The following CASQ2 variants were observed in gnomAD, a reference collection of about 807,000 sequenced individuals.
The protein encoded by CASQ2 is calsequestrin-2.
In CASQ2, 49 loss-of-function variants were observed where a neutral mutation model predicts 46.5. The observed-to-expected ratio is 1.05, with a 90% CI of 0.84 to 1.34. The LOEUF (loss-of-function observed/expected upper bound fraction) is 1.34, where lower values mean the gene tolerates loss of function less well. CASQ2 is among the 40% of genes most tolerant of loss of function. CASQ2 has a pLI of 0.00. For synonymous variants in CASQ2, 174 were observed against 168.5 expected, an observed-to-expected ratio of 1.03 and a Z score of -0.25; for missense variants, 486 against 481.3, an observed-to-expected ratio of 1.01 and a Z score of -0.09.
rs372283956 is a variant in CASQ2, at chr1:115,738,277, C to T, written c.479G>A (p.Arg160His). 1.3e-5 allele frequency: 21 copies of T among 1,613,744 alleles called. No homozygotes were observed. Among genetic ancestry groups the T allele is most frequent in the South Asian group, 3.3e-5 (3 of 91,086 alleles). Residue 160 changes from arginine to histidine, a missense_variant, in exon 4 of 11, where the codon CGC becomes CAC. By Grantham distance (29) the Arg-to-His change is conservative (BLOSUM62 0). Coordinates refer to ENST00000261448, the MANE Select transcript of CASQ2 (RefSeq NM_001232.4). Reference sequence around the variant, plus strand: ...AATGAGTTTGATGTAGTCTTCAATGCGTTCGAAGGCTTGGACTTCCAGTTT... The same window carrying T: ...AATGAGTTTGATGTAGTCTTCAATGTGTTCGAAGGCTTGGACTTCCAGTTT... ...SSKLEVQAFE[R>H]IEDYIKLIGF... is the part of the protein sequence containing the mutation.
At position 115,702,996 on chromosome 1, in the gene CASQ2, C is replaced by A. The variant is rs876657635; in HGVS notation, c.940-1G>T. 7.4e-6 allele frequency: 12 copies of A among 1,611,778 alleles called. No homozygotes were observed. Among genetic ancestry groups the A allele is most frequent in the Non-Finnish European group, 1.0e-5 (12 of 1,178,898 alleles). ...AAGTCTTCTCCCAGTAGGCAACGAG[C>A]TGCAGCAACAAAAAAATAAGATTAG... On this transcript the variant is annotated splice_acceptor_variant, in intron 9 of 10. Coordinates refer to ENST00000261448, the MANE Select transcript of CASQ2 (RefSeq NM_001232.4). LOFTEE classifies it high-confidence loss of function.
At chr1:115,741,588 C>A (rs1387021508) in intron 2 of CASQ2, among the ~76,000 whole-genome samples, 1 of 152,144 alleles carries the variant, frequency 6.6e-6, no homozygotes, top group Non-Finnish European at 1.5e-5. Flanking sequence ...TGTACATCAG[C>A]AACCCATTAA....
intron 6 of CASQ2, among the ~76,000 whole-genome samples, chr1:115,725,882 C>T (rs1374194090): frequency 6.6e-6 from 1 of 152,158 alleles, no homozygotes. Context: ...CAGATAGCCA[C>T]CACTCCAGAG....
chr1:115,724,452 C>T (rs948626860), intron 7 of CASQ2, among the ~76,000 whole-genome samples: 6 of 152,116 alleles, frequency 3.9e-5, no homozygotes, highest in African/African-American at 1.4e-4. Flanking sequence ...ACAGGCGTGC[C>T]CCACTATGCC....
chr1:115,725,742 C>G (rs899831114), intron 6 of CASQ2, among the ~76,000 whole-genome samples, 189 bp from the exon 7 acceptor site: 1 of 152,068 alleles, frequency 6.6e-6, no homozygotes, highest in Non-Finnish European at 1.5e-5. Flanking sequence ...TGTCAGACAG[C>G]GAGCTGGGCC....
At chr1:115,760,271 A>G (rs1346587613) in intron 1 of CASQ2, among the ~76,000 whole-genome samples, 3 of 152,244 alleles carry the variant, frequency 2.0e-5, no homozygotes, top group Admixed American at 1.3e-4. Flanking sequence ...AGACTGTCAC[A>G]GTGCTTTGCA....
intron 1 of CASQ2, among the ~76,000 whole-genome samples, chr1:115,752,835 C>G (rs1364065395): frequency 6.6e-6 from 1 of 152,184 alleles, no homozygotes; most frequent in East Asian, 1.9e-4. Flanking sequence ...AAAGGAAAGG[C>G]CACCAGTTGG....
intron 1 of CASQ2, among the ~76,000 whole-genome samples, chr1:115,748,902 A>C (rs1488958175): frequency 1.3e-5 from 2 of 152,176 alleles, no homozygotes; most frequent in Non-Finnish European, 2.9e-5. Flanking sequence ...CAGTGTGCAT[A>C]AGAATCACCC....
At chr1:115,754,818 T>C (rs1052769277) in intron 1 of CASQ2, among the ~76,000 whole-genome samples, 3 of 152,230 alleles carry the variant, frequency 2.0e-5, no homozygotes, top group Admixed American at 2.0e-4. Context: ...GAGTATCATG[T>C]ATACAAGTAC....
intron 3 of CASQ2, among the ~76,000 whole-genome samples, chr1:115,739,310 T>C (rs1019777348): frequency 2.0e-5 from 3 of 150,962 alleles, no homozygotes; most frequent in Admixed American, 6.6e-5. Context: ...AGAGATGGGG[T>C]TTCACCGTAT....
At position 115,705,263 on chromosome 1, in the gene CASQ2, G is replaced by A; in HGVS notation, c.868C>T (p.Gln290Ter). ...DGYEFLEILKQVARDNTDNPD... is the reference protein window; with the variant it reads ...DGYEFLEILK ...TTGTCAGTATTGTCCCGGGCAACCT[G>A]TTTCAGGATCTCCAGGAATTCGTAG... The change falls in exon 9 of 11, where the codon CAG (glutamine) becomes TAG (stop). Residue 290 changes from glutamine (Q) to a stop codon, truncating the protein, a stop_gained. Transcript: ENST00000261448. LOFTEE classifies it high-confidence loss of function. The A allele has an allele frequency of 6.2e-7, 1 of 1,613,842 alleles. No individual in the cohort carries two copies. The highest frequency in any genetic ancestry group is 1.1e-5 in the South Asian group (1 of 91,080).
At chr1:115,709,554 G>A (rs905174975) in intron 8 of CASQ2, among the ~76,000 whole-genome samples, 90 of 152,278 alleles carry the variant, frequency 5.9e-4, no homozygotes, top group African/African-American at 2.0e-3. Flanking sequence ...GACAAAGCAA[G>A]TAGAGGACTA....
intron 10 of CASQ2, among the ~76,000 whole-genome samples, chr1:115,702,479 T>C (rs1410068332): frequency 6.6e-6 from 1 of 152,242 alleles, no homozygotes; most frequent in Non-Finnish European, 1.5e-5. Flanking sequence ...TATGATTTTC[T>C]TCCTTCCCTT....
intron 3 of CASQ2, among the ~76,000 whole-genome samples, chr1:115,739,400 C>A (rs547911693): frequency 6.6e-6 from 1 of 152,174 alleles, no homozygotes; most frequent in Non-Finnish European, 1.5e-5. Context: ...CAGGCATGAG[C>A]CACCACGCTC....
At chr1:115,709,801 G>A (rs1452253849) in intron 8 of CASQ2, among the ~76,000 whole-genome samples, 1 of 152,040 alleles carries the variant, frequency 6.6e-6, no homozygotes, top group African/African-American at 2.4e-5. Flanking sequence ...TTCACATGAC[G>A]TTTACTCCCC....
At position 115,725,496 on chromosome 1, in the gene CASQ2, C is replaced by T. The variant is rs1387752690; in HGVS notation, c.783+12G>A. The T allele has an allele frequency of 6.2e-7, 1 of 1,608,924 alleles. No individual in the cohort carries two copies. The highest frequency in any genetic ancestry group is 1.1e-5 in the South Asian group (1 of 90,946). On this transcript the variant is annotated intron_variant, in intron 7 of 10. Coordinates refer to ENST00000261448, the MANE Select transcript of CASQ2 (RefSeq NM_001232.4). ...ATCTCTACAAGGCAAAGAGAGTTTG[C>T]CTCTTTCTTACCCATGTTTCAAACA... is the stretch of plus-strand genomic sequence containing the variant.
rs1047546402 is a variant in CASQ2 at position 115,768,223 on chromosome 1, G to T, written c.234+85C>A. 3.4e-6 allele frequency: 3 copies of T among 878,538 alleles called. No individual in the cohort carries two copies. The African/African-American group carries it at 4.9e-5, about 14-fold the overall frequency. The allele number at this position is 878,538 out of a possible 1,614,324, so 54.4% of individuals were successfully genotyped here. ...TTCAGTATATATTCTCTGCATCCTCGTTCCCATATCCCAACCCCTGGCCAA... is the reference window on the plus strand; with the variant it reads ...TTCAGTATATATTCTCTGCATCCTCTTTCCCATATCCCAACCCCTGGCCAA... On this transcript the variant is annotated intron_variant, in intron 1 of 10. Coordinates refer to ENST00000261448, the MANE Select transcript of CASQ2 (RefSeq NM_001232.4).
intron 8 of CASQ2, among the ~76,000 whole-genome samples, chr1:115,712,850 C>T (rs12746077): frequency 0.53 from 74,995 of 140,228 alleles, 20,004 homozygotes; most frequent in East Asian, 0.66. Context: ...AGGGAGACTG[C>T]CTCAAAAAAA....
intron 1 of CASQ2, among the ~76,000 whole-genome samples, chr1:115,750,681 T>C (rs1344819848): frequency 6.6e-6 from 1 of 152,130 alleles, no homozygotes; most frequent in Non-Finnish European, 1.5e-5. Flanking sequence ...GCTAATTGTC[T>C]AAGTTTTGTC....
Sources: gnomAD v4.1 joint callset for allele counts (sites outside exome capture counted in the v4.1 genomes callset) on GRCh38, gnomAD v4.1.1 for gene constraint, MANE v1.5 for transcripts, NCBI Gene and HGNC (gene_info 2026-07-23, HGNC 2026-07-21) for gene names.